Variants in ASPRV1 observed in about 807,000 individuals in gnomAD.
The protein encoded by ASPRV1 is aspartic peptidase retroviral like 1, also known as retroviral-like aspartic protease 1.
Under a neutral mutation model 11.0 loss-of-function variants are expected in ASPRV1, and 7 were observed. The ratio of observed to expected loss-of-function variants is 0.64; its 90% CI spans 0.36 to 1.20. The LOEUF is 1.20. Among genes scored for constraint, ASPRV1 ranks in the 50% most tolerant of loss-of-function variants. The probability of loss-of-function intolerance (pLI) is 0.02; values close to 1 mark genes in which losing one functional copy is unlikely to be tolerated. For missense variants in ASPRV1, 299 were observed against 320.0 expected (o/e 0.93, Z 0.50); for synonymous variants, 136 against 138.4 (o/e 0.98, Z 0.12).
the ASPRV1 span, among the ~76,000 whole-genome samples, chr2:69,978,610 C>A: frequency 7.2e-5 from 11 of 152,308 alleles, no homozygotes; most frequent in East Asian, 3.9e-4. Context: ...ATTACACCAA[C>A]GACAAGCCAC....
the ASPRV1 span, among the ~76,000 whole-genome samples, chr2:70,008,171 T>TGAGATAG: frequency 6.6e-6 from 1 of 152,122 alleles, no homozygotes; most frequent in African/African-American, 2.4e-5. Context: ...ATCTTTTGAA[T>TGAGATAG]GAGATAAATC....
At chr2:69,973,502 C>G in the ASPRV1 span, among the ~76,000 whole-genome samples, 23,289 of 152,090 alleles carry the variant, frequency 0.15, 2,679 homozygotes, top group East Asian at 0.3. Context: ...TAGTGCACAC[C>G]ACGCCCAGCT....
At chr2:69,950,746 G>A in the ASPRV1 span, among the ~76,000 whole-genome samples, 1,976 of 152,016 alleles carry the variant, frequency 0.013, 40 homozygotes, top group South Asian at 0.038. Flanking sequence ...TGGAGGCTGA[G>A]GCTGGAGAAT....
chr2:70,079,075 G>C, the ASPRV1 span, among the ~76,000 whole-genome samples: 1 of 152,164 alleles, frequency 6.6e-6, no homozygotes, highest in Non-Finnish European at 1.5e-5. Flanking sequence ...CTCTGAAATG[G>C]GGAGGACCTT....
chr2:70,062,880 G>T, the ASPRV1 span, among the ~76,000 whole-genome samples: 1 of 152,168 alleles, frequency 6.6e-6, no homozygotes, highest in Non-Finnish European at 1.5e-5. Context: ...ACAGCCATGG[G>T]ACTTAAGAGA....
the ASPRV1 span, chr2:70,046,613 A>C: frequency 6.6e-6 from 1 of 152,166 alleles, no homozygotes; most frequent in Non-Finnish European, 1.5e-5. Context: ...GCAAGACCCT[A>C]GGAAGCCAAG....
the ASPRV1 span, among the ~76,000 whole-genome samples, chr2:70,058,742 A>G: frequency 3.3e-5 from 5 of 150,732 alleles, no homozygotes; most frequent in Admixed American, 1.3e-4. Flanking sequence ...TAGTAGAGAC[A>G]GGGTTTCACC....
At chr2:70,064,516 G>C in the ASPRV1 span, among the ~76,000 whole-genome samples, 13 of 152,342 alleles carry the variant, frequency 8.5e-5, no homozygotes, top group Non-Finnish European at 1.5e-4. Context: ...CTATAACTTA[G>C]ATGATGAATA....
At chr2:70,086,968 C>T in the ASPRV1 span, 1 of 152,326 alleles carries the variant, frequency 6.6e-6, no homozygotes, top group African/African-American at 2.4e-5. Context: ...ACGTGCCCGC[C>T]CGCGCGCACC....
the ASPRV1 span, among the ~76,000 whole-genome samples, chr2:70,072,475 C>T: frequency 6.6e-6 from 1 of 151,804 alleles, no homozygotes; most frequent in Non-Finnish European, 1.5e-5. Flanking sequence ...GTAATCCCAG[C>T]ACTTTGGGAG....
the ASPRV1 span, among the ~76,000 whole-genome samples, chr2:70,003,969 CT>C: frequency 3.9e-5 from 6 of 152,092 alleles, no homozygotes; most frequent in Middle Eastern, 3.2e-3. Flanking sequence ...GCCTCTAGAA[CT>C]GTAGGAAGTA....
chr2:70,052,411 T>C, the ASPRV1 span, among the ~76,000 whole-genome samples: 22 of 152,168 alleles, frequency 1.4e-4, no homozygotes, highest in Middle Eastern at 3.2e-3. Flanking sequence ...TATGACTCCA[T>C]TGATATAAAA....
chr2:70,019,808 G>C, the ASPRV1 span, among the ~76,000 whole-genome samples: 6 of 152,132 alleles, frequency 3.9e-5, no homozygotes, highest in East Asian at 9.6e-4. Context: ...AAATTTGTTA[G>C]ACAGGAGGAA....
chr2:70,024,211 G>C, the ASPRV1 span, among the ~76,000 whole-genome samples: 4 of 151,702 alleles, frequency 2.6e-5, no homozygotes, highest in Non-Finnish European at 4.4e-5. Flanking sequence ...AACTTTTTTT[G>C]AGAAAAAAAT....
chr2:70,063,716 A>G, the ASPRV1 span, among the ~76,000 whole-genome samples: 1 of 152,236 alleles, frequency 6.6e-6, no homozygotes, highest in Non-Finnish European at 1.5e-5. Context: ...CCCATAAAAT[A>G]CAGAGAAAGT....
chr2:70,032,137 G>C, the ASPRV1 span: 2 of 152,184 alleles, frequency 1.3e-5, no homozygotes, highest in African/African-American at 2.4e-5. Flanking sequence ...TCTTACCTAA[G>C]AATGGAGACT....
At chr2:69,947,788 A>G in the ASPRV1 span, among the ~76,000 whole-genome samples, 1 of 152,118 alleles carries the variant, frequency 6.6e-6, no homozygotes, top group East Asian at 1.9e-4. Flanking sequence ...GGTTATGGAA[A>G]CAAACTTGCC....
chr2:69,933,943 T>C, the ASPRV1 span, among the ~76,000 whole-genome samples: 1 of 152,222 alleles, frequency 6.6e-6, no homozygotes, highest in African/African-American at 2.4e-5. Context: ...GGGCAATGAA[T>C]GTTATCTAAA....
the ASPRV1 span, chr2:69,938,410 T>C: frequency 1.1e-6 from 1 of 929,818 alleles, no homozygotes; most frequent in East Asian, 2.6e-5. Flanking sequence ...CAAAATCAGC[T>C]TTGTAACTGT....
Sources: gnomAD v4.1 joint callset for allele counts (sites outside exome capture counted in the v4.1 genomes callset) on GRCh38, gnomAD v4.1.1 for gene constraint, MANE v1.5 for transcripts, NCBI Gene and HGNC (gene_info 2026-07-23, HGNC 2026-07-21) for gene names.